Variants in BRD1 observed in about 807,000 individuals in gnomAD.
BRD1 encodes the protein bromodomain-containing protein 1.
In BRD1, 24 loss-of-function variants were observed where a neutral mutation model predicts 107.7. The observed-to-expected ratio is 0.22, with a 90% CI of 0.16 to 0.31. The LOEUF is 0.31. Ranked by LOEUF, BRD1 falls within the 10% of genes least tolerant of loss-of-function variation. BRD1 has a pLI of 1.00. For missense variants in BRD1, 1,279 were observed against 1,638.6 expected (o/e 0.78, Z 3.79); for synonymous variants, 744 against 686.1 (o/e 1.08, Z -1.32).
In BRD1 at chr22:49,803,281, A is replaced by C. The variant is rs1180795481; in HGVS notation, c.1524+923T>G. ...CCCAACCGTGAACCCTGTAGACTCAAGCTTCCTGTGAGCAAGTCACCACCT... is the reference window on the plus strand; with the variant it reads ...CCCAACCGTGAACCCTGTAGACTCACGCTTCCTGTGAGCAAGTCACCACCT... On this transcript the variant is annotated intron_variant, in intron 3 of 12. Transcript: ENST00000404760. The surrounding 1 kb of genome is among the most constrained non-coding windows in gnomAD (Gnocchi z 4.4). Among the ~76,000 whole-genome samples, 1 of 152,224 alleles carries C rather than the reference A, an allele frequency of 6.6e-6. No homozygotes were observed. The highest frequency in any genetic ancestry group is 1.5e-5 in the Non-Finnish European group (1 of 68,034).
At position 49,777,044 on chromosome 22, in the gene BRD1, C is replaced by T; in HGVS notation, c.3111G>A (p.Arg1037=). ...IENGNYAKAA[R]IAAEVGQSSM... Reference sequence around the variant, plus strand: ...GTCCGGGCGACTCACCGGCTGCGATCCTGGCCGCCTTGGCGTAGTTCCCAT... The same window carrying T: ...GTCCGGGCGACTCACCGGCTGCGATTCTGGCCGCCTTGGCGTAGTTCCCAT... The change falls in exon 10 of 13, where the codon AGG becomes AGA. Residue 1037 remains arginine, a synonymous_variant. Coordinates refer to ENST00000404760, the MANE Select transcript of BRD1 (RefSeq NM_001304808.3). The T allele has an allele frequency of 6.2e-7, 1 of 1,613,160 alleles. No individual in the cohort carries two copies.
intron 2 of BRD1, chr22:49,820,812 A>G (rs1296638640): frequency 1.3e-5 from 2 of 151,972 alleles, no homozygotes; most frequent in African/African-American, 2.4e-5. Context: ...CCTCACAACC[A>G]CCCCAGAGGT....
chr22:49,824,922 C>G lies in BRD1; in HGVS notation c.-14-591G>C, dbSNP rs924368895. 1.6e-6 allele frequency: 1 copy of G among 607,752 alleles called. No individual in the cohort carries two copies. The highest frequency in any genetic ancestry group is 2.1e-6 in the Non-Finnish European group (1 of 480,256). The allele number at this position is 607,752 out of a possible 1,614,324, so 37.6% of individuals were successfully genotyped here. A position where few individuals can be genotyped will look rare whatever the true frequency, so the allele number is the denominator to read the frequency against. ...GGGGCCAGGGGTAGGAGACAGATCA[C>G]AGCCTGTCCATCCTCTATAGACAGG... On this transcript the variant is annotated intron_variant, in intron 1 of 12. Transcript: ENST00000404760. This position sits in a 1 kb window ranked among gnomAD's most constrained non-coding sequence, Gnocchi z 5.9.
intron 8 of BRD1, among the ~76,000 whole-genome samples, chr22:49,785,373 G>A (rs1002237419): frequency 3.3e-5 from 5 of 152,266 alleles, no homozygotes; most frequent in East Asian, 1.9e-4. Flanking sequence ...CTCTGCCGCC[G>A]ACAGACGTGA....
At position 49,775,834 on chromosome 22, in the gene BRD1, CCCCAGCTGTGTGAGCCTCCTCAG is replaced by C; in HGVS notation, c.3232-112_3232-90del. ...ACTGGCACCCCCCCCCGCCTCCCCA[CCCCAGCTGTGTGAGCCTCCTCAG>C]ACCACCCCCACGCCCCCCTCGCCGA... On this transcript the variant is annotated intron_variant, in intron 11 of 12. Transcript: ENST00000404760. 4 of 1,315,086 alleles carry C rather than the reference CCCCAGCTGTGTGAGCCTCCTCAG, an allele frequency of 3.0e-6. No individual in the cohort carries two copies. In the South Asian group the frequency reaches 4.9e-5, roughly 16 times the overall value. 81.5% of individuals were successfully genotyped at this position (1,315,086 alleles called of 1,614,324 possible). A position where few individuals can be genotyped will look rare whatever the true frequency, so the allele number is the denominator to read the frequency against.
chr22:49,775,815 A>T, intron 11 of BRD1, 70 bp from the exon 12 acceptor site: 1 of 1,141,502 alleles, frequency 8.8e-7, no homozygotes. Flanking sequence ...TGTCACTGGC[A>T]CCCCCCCCCG....
Position 49,773,469 on chromosome 22 carries a change from TAC to T in BRD1, c.*762_*763del, listed in dbSNP as rs2059026572. ...CAAAGTGTTCTAAATTAAAACAAGTTACAGAAAGCCCCTCATTGTAAACAAAA... is the reference window on the plus strand; with the variant it reads ...CAAAGTGTTCTAAATTAAAACAAGTTAGAAAGCCCCTCATTGTAAACAAAA... On this transcript the variant is annotated 3_prime_UTR_variant, in exon 13 of 13. Coordinates refer to ENST00000404760, the MANE Select transcript of BRD1 (RefSeq NM_001304808.3). 1 of 152,582 alleles carries T rather than the reference TAC, an allele frequency of 6.6e-6. No individual in the cohort carries two copies. The highest frequency in any genetic ancestry group is 2.1e-4 in the South Asian group (1 of 4,838). The allele number at this position is 152,582 out of a possible 1,614,324, so 9.5% of individuals were successfully genotyped here.
chr22:49,796,099 T>C (rs906648315), intron 6 of BRD1, among the ~76,000 whole-genome samples: 1 of 149,574 alleles, frequency 6.7e-6, no homozygotes, highest in African/African-American at 2.5e-5. Context: ...GTGTTTTCTT[T>C]TTTTTTTTTT....
rs1353332749 is a variant in BRD1 at position 49,798,528 on chromosome 22, G to A, written c.1785+30C>T. ...GCACAAATCCACAGTCACACATGCG[G>A]CAGGACAGACGAGCGCCGCAAACAC... is the stretch of plus-strand genomic sequence containing the variant. On this transcript the variant is annotated intron_variant, in intron 5 of 12. Transcript: ENST00000404760. 3 of 1,613,926 alleles carry A rather than the reference G, an allele frequency of 1.9e-6. No individual in the cohort carries two copies. In the Admixed American group the frequency reaches 5.0e-5, roughly 27 times the overall value.
intron 8 of BRD1, among the ~76,000 whole-genome samples, chr22:49,779,608 C>T (rs965080834): frequency 1.3e-5 from 2 of 152,150 alleles, no homozygotes; most frequent in African/African-American, 2.4e-5. Flanking sequence ...ATTTAAAAAC[C>T]TACAGGAGAA....
At chr22:49,801,998 C>T (rs1328163731) in intron 3 of BRD1, among the ~76,000 whole-genome samples, 1 of 152,246 alleles carries the variant, frequency 6.6e-6, no homozygotes, top group Admixed American at 6.5e-5. Context: ...TCCATGCCCA[C>T]TTTCCATGGA....
Position 49,774,649 on chromosome 22 carries a change from T to A in BRD1, c.3387-233A>T, listed in dbSNP as rs376723916. On this transcript the variant is annotated intron_variant, in intron 12 of 12. Transcript: ENST00000404760. Reference sequence around the variant, plus strand: ...TAAGTAAGGCATAAAAACCATCACCTCCTCCTCCACCTCCAAAACGTTTCC... The same window carrying A: ...TAAGTAAGGCATAAAAACCATCACCACCTCCTCCACCTCCAAAACGTTTCC... Among the ~76,000 whole-genome samples the A allele has an allele frequency of 1.8e-4, 27 of 151,930 alleles. No individual in the cohort carries two copies. The East Asian group carries it at 2.9e-3, about 16-fold the overall frequency.
rs757792847 is a variant in BRD1, at chr22:49,798,130, A to G, written c.1786-13T>C. On this transcript the variant is annotated splice_polypyrimidine_tract_variant and intron_variant, in intron 5 of 12. Coordinates refer to ENST00000404760, the MANE Select transcript of BRD1 (RefSeq NM_001304808.3). ...AATAATCTGGTACCTAATTTTAGGG[A>G]GGAAAAAGAATCATTTACAAACTAA... 5.7e-6 allele frequency: 9 copies of G among 1,586,778 alleles called. No homozygotes were observed. The highest frequency in any genetic ancestry group is 6.9e-6 in the Non-Finnish European group (8 of 1,163,284).
intron 2 of BRD1, among the ~76,000 whole-genome samples, chr22:49,813,304 C>T (rs549425041): frequency 1.1e-4 from 16 of 152,204 alleles, no homozygotes; most frequent in Non-Finnish European, 2.2e-4. Flanking sequence ...TCACTGCAAC[C>T]TCTGCCTCCT....
At chr22:49,793,965 GT>G (rs1348844059) in intron 7 of BRD1, 68 bp downstream of exon 7, 95 of 1,548,296 alleles carry the variant, frequency 6.1e-5, no homozygotes, top group Non-Finnish European at 7.5e-5. Flanking sequence ...GTCTGGGTCT[GT>G]GCCTGTGCCT....
At chr22:49,812,672 A>C (rs1489328050) in intron 2 of BRD1, among the ~76,000 whole-genome samples, 1 of 152,248 alleles carries the variant, frequency 6.6e-6, no homozygotes, top group East Asian at 1.9e-4. Flanking sequence ...CAAGCTTCCT[A>C]AAGGAACACT....
At position 49,774,276 on chromosome 22, in the gene BRD1, C is replaced by T. The variant is rs1184710013; in HGVS notation, c.3527G>A (p.Arg1176His). 1.2e-5 allele frequency: 20 copies of T among 1,614,194 alleles called. No individual in the cohort carries two copies. Among genetic ancestry groups the T allele is most frequent in the African/African-American group, 8.0e-5 (6 of 75,076 alleles). Residue 1176 changes from arginine (R) to histidine (H), a missense_variant, in exon 13 of 13, where the codon CGC becomes CAC. Physicochemically the swap from Arg to His is conservative, Grantham distance 29. This residue lies in a region of BRD1 where 136 missense variants were observed against 196.8 expected (regional missense o/e 0.69). Transcript: ENST00000404760. The stretch of plus-strand genomic sequence containing the variant: ...GTCGCTGGTCGGCTCCCCGTGGACG[C>T]GGCTCAGGTGGTTCATGGCGCGGTC... ...AFDRAMNHLS[R>H]VHGEPTSDLS...
At chr22:49,802,725 G>A (rs1015695234) in intron 3 of BRD1, among the ~76,000 whole-genome samples, 63 of 152,290 alleles carry the variant, frequency 4.1e-4, no homozygotes, top group Non-Finnish European at 7.2e-4. Context: ...CCAGCCCCCA[G>A]AGCTTCCCGC....
intron 8 of BRD1, among the ~76,000 whole-genome samples, chr22:49,781,815 T>C (rs1238688290): frequency 1.3e-5 from 2 of 152,284 alleles, no homozygotes; most frequent in African/African-American, 4.8e-5. Flanking sequence ...GGTGCATTTT[T>C]CAACCTCTCA....
Sources: allele counts gnomAD v4.1 joint callset (sites outside exome capture counted in the v4.1 genomes callset), GRCh38; gene constraint gnomAD v4.1.1; regional missense constraint gnomAD v4.1.1; non-coding constraint Gnocchi (gnomAD v3.1); transcripts MANE v1.5; gene names NCBI Gene and HGNC (gene_info 2026-07-23, HGNC 2026-07-21).